DPYD: variants seen among roughly 807,000 people sequenced by gnomAD.
The protein encoded by DPYD is dihydropyrimidine dehydrogenase.
A neutral mutation model predicts 116.2 loss-of-function variants in DPYD; 109 were observed. That is an observed-to-expected ratio of 0.94 (90% confidence interval 0.80 to 1.10). The LOEUF (loss-of-function observed/expected upper bound fraction) is 1.10. DPYD is among the 50% of genes least tolerant of loss of function. The pLI, the probability that DPYD is intolerant of heterozygous loss-of-function variation, is 0.00. For missense variants in DPYD, 1,302 were observed against 1,254.5 expected, an observed-to-expected ratio of 1.04 and a Z score of -0.57; for synonymous variants, 440 against 432.0, an observed-to-expected ratio of 1.02 and a Z score of -0.23.
intron 4 of DPYD, among the ~76,000 whole-genome samples, chr1:97,722,108 A>C (rs1662957793): frequency 6.6e-6 from 1 of 151,650 alleles, no homozygotes; most frequent in Non-Finnish European, 1.5e-5. Flanking sequence ...AACTAAATTA[A>C]AAGCAGCCAG....
In DPYD at chr1:97,672,653, G is replaced by T. The variant is rs1315336850; in HGVS notation, c.850+6442C>A. On this transcript the variant is annotated intron_variant, in intron 8 of 22. Transcript: ENST00000370192. ...TCTGGGGACAGAAGTAAAGCAAATG[G>T]TCTAAAAACTTAATTGCATTTTCCT... Among the ~76,000 whole-genome samples, 3 of 152,030 alleles carry T rather than the reference G, an allele frequency of 2.0e-5. 1 individual carries two copies. Among genetic ancestry groups the T allele is most frequent in the Non-Finnish European group, 4.4e-5 (3 of 67,992 alleles).
At chr1:97,591,170 T>C (rs192234570) in intron 10 of DPYD, among the ~76,000 whole-genome samples, 28 of 152,266 alleles carry the variant, frequency 1.8e-4, no homozygotes, top group Middle Eastern at 3.4e-3. Context: ...TCAAAAATCA[T>C]CTCATCGGAG....
intron 13 of DPYD, among the ~76,000 whole-genome samples, chr1:97,492,973 G>C (rs920270831): frequency 6.6e-6 from 1 of 152,102 alleles, no homozygotes. Context: ...ATACCGAAGG[G>C]GAAAGCACTA....
chr1:97,311,142 T>G (rs929563471), intron 16 of DPYD, among the ~76,000 whole-genome samples: 4 of 151,728 alleles, frequency 2.6e-5, no homozygotes, highest in African/African-American at 4.8e-5. Context: ...ATGGAAATGT[T>G]CCATTTTCTT....
chr1:97,314,097 CTCCA>C (rs1667671797), intron 16 of DPYD, among the ~76,000 whole-genome samples: 1 of 152,088 alleles, frequency 6.6e-6, no homozygotes, highest in Middle Eastern at 3.4e-3. Flanking sequence ...TTTTGATGCT[CTCCA>C]TCAGTGAGCT....
chr1:97,122,228 G>C (rs887342352), intron 20 of DPYD, among the ~76,000 whole-genome samples: 3 of 152,158 alleles, frequency 2.0e-5, no homozygotes, highest in East Asian at 1.9e-4. Flanking sequence ...CTATCATATA[G>C]AGGCTGGGTT....
intron 12 of DPYD, chr1:97,546,076 C>T: frequency 1.4e-6 from 2 of 1,406,202 alleles, no homozygotes; most frequent in Non-Finnish European, 2.0e-6. Flanking sequence ...ACAGTAGGAT[C>T]CTTAGTTACA....
intron 3 of DPYD, among the ~76,000 whole-genome samples, chr1:97,744,267 C>T (rs1664427342): frequency 1.3e-5 from 2 of 151,882 alleles, no homozygotes; most frequent in African/African-American, 4.8e-5. Flanking sequence ...TAGTATGACA[C>T]CAAAAATATT....
At chr1:97,810,057 C>T (rs56767454) in intron 3 of DPYD, among the ~76,000 whole-genome samples, 3,324 of 151,916 alleles carry the variant, frequency 0.022, 56 homozygotes, top group Middle Eastern at 0.045. Context: ...GAGGCCGACG[C>T]GGGTGGATCA....
intron 2 of DPYD, among the ~76,000 whole-genome samples, chr1:97,828,846 T>C (rs898967928): frequency 2.6e-5 from 4 of 151,970 alleles, no homozygotes; most frequent in Admixed American, 2.6e-4. Context: ...AATTTTAAGA[T>C]TGAGTAAATA....
chr1:97,580,426 T>C (rs1653564973), intron 10 of DPYD, among the ~76,000 whole-genome samples: 1 of 152,320 alleles, frequency 6.6e-6, no homozygotes, highest in African/African-American at 2.4e-5. Flanking sequence ...TTCAGAGCCA[T>C]GTGGTAAGAG....
rs199777072 is a variant in DPYD at position 97,193,206 on chromosome 1, C to T, written c.2485G>A (p.Asp829Asn). ...IQNQDFTVIE[D>N]YCTGLKALLY... Reference sequence around the variant, plus strand: ...AGGGCTTTGAGGCCAGTGCAGTAGTCTTCGATCACAGTGAAATCCTGATTC... The same window carrying T: ...AGGGCTTTGAGGCCAGTGCAGTAGTTTTCGATCACAGTGAAATCCTGATTC... Residue 829 changes from aspartate (D) to asparagine (N), a missense_variant, in exon 20 of 23, where the codon GAC becomes AAC. Asp to Asn is a conservative substitution (Grantham distance 23). Coordinates refer to ENST00000370192, the MANE Select transcript of DPYD (RefSeq NM_000110.4). The T allele has an allele frequency of 2.0e-4, 329 of 1,613,878 alleles. 6 individuals are homozygous for T. In the Admixed American group the frequency reaches 5.4e-3, roughly 27 times the overall value.
At chr1:97,418,693 AAATATAC>A (rs1674416117) in intron 14 of DPYD, among the ~76,000 whole-genome samples, 1 of 152,196 alleles carries the variant, frequency 6.6e-6, no homozygotes, top group Non-Finnish European at 1.5e-5. Flanking sequence ...TATATCAATG[AAATATAC>A]AACAGTAGAA....
chr1:97,835,486 C>A (rs932725683), intron 2 of DPYD, among the ~76,000 whole-genome samples: 7 of 151,952 alleles, frequency 4.6e-5, no homozygotes, highest in African/African-American at 1.7e-4. Context: ...ATCTCTCATA[C>A]ACAGTAAGAA....
intron 5 of DPYD, among the ~76,000 whole-genome samples, chr1:97,704,552 C>T (rs1453643846): frequency 2.6e-5 from 4 of 151,820 alleles, no homozygotes; most frequent in African/African-American, 9.7e-5. Context: ...ATTTTTCATT[C>T]CTTTTATTAA....
intron 8 of DPYD, among the ~76,000 whole-genome samples, chr1:97,611,823 T>C (rs1655970274): frequency 6.6e-6 from 1 of 152,054 alleles, no homozygotes; most frequent in African/African-American, 2.4e-5. Context: ...TGAGATAATA[T>C]AAGCAAACCT....
At chr1:97,262,702 ATTTC>A (rs1296598299) in intron 18 of DPYD, among the ~76,000 whole-genome samples, 2 of 151,948 alleles carry the variant, frequency 1.3e-5, no homozygotes, top group Non-Finnish European at 2.9e-5. Context: ...AATTCTTCTT[ATTTC>A]TTTTTCTTTT....
intron 12 of DPYD, among the ~76,000 whole-genome samples, chr1:97,548,824 G>C (rs1321268295): frequency 6.6e-6 from 1 of 152,014 alleles, no homozygotes; most frequent in African/African-American, 2.4e-5. Context: ...TTTCCACTTA[G>C]GTGCATAGAA....
chr1:97,168,087 C>T (rs1459783176), intron 20 of DPYD, among the ~76,000 whole-genome samples: 1 of 152,138 alleles, frequency 6.6e-6, no homozygotes, highest in Non-Finnish European at 1.5e-5. Flanking sequence ...TTCACAGATT[C>T]TAATTATAAA....
Sources: allele counts gnomAD v4.1 joint callset (sites outside exome capture counted in the v4.1 genomes callset), GRCh38; gene constraint gnomAD v4.1.1; transcripts MANE v1.5; gene names NCBI Gene and HGNC (gene_info 2026-07-23, HGNC 2026-07-21).